USP25: variants seen among roughly 807,000 people sequenced by gnomAD.
USP25 encodes ubiquitin specific peptidase 25, also known as ubiquitin carboxyl-terminal hydrolase 25.
A neutral mutation model predicts 158.5 loss-of-function variants in USP25; 85 were observed. The ratio of observed to expected loss-of-function variants is 0.54; its 90% confidence interval spans 0.45 to 0.64. The LOEUF is 0.64. USP25 is among the 30% of genes least tolerant of loss of function. USP25 has a pLI of 0.00. For synonymous variants in USP25, 464 were observed against 460.4 expected (o/e 1.01, Z -0.10); for missense variants, 1,242 against 1,327.3 (o/e 0.94, Z 1.00).
intron 1 of USP25, among the ~76,000 whole-genome samples, chr21:15,761,016 C>T (rs2033690595): frequency 2.0e-5 from 3 of 152,140 alleles, no homozygotes; most frequent in African/African-American, 7.2e-5. Flanking sequence ...TCTTTAGTCT[C>T]CTTTAGGGTG....
At chr21:15,823,178 A>G (rs1260258630) in intron 10 of USP25, among the ~76,000 whole-genome samples, 5 of 152,110 alleles carry the variant, frequency 3.3e-5, no homozygotes, top group Admixed American at 2.0e-4. Context: ...GCAGTTTATA[A>G]TAAGCACTTC....
intron 9 of USP25, among the ~76,000 whole-genome samples, chr21:15,815,668 C>T (rs2036902382): frequency 6.6e-6 from 1 of 152,148 alleles, no homozygotes; most frequent in South Asian, 2.1e-4. Flanking sequence ...CTGTTTCTCC[C>T]ATGTGGAATG....
At chr21:15,834,128 A>C (rs1288181919) in intron 17 of USP25, among the ~76,000 whole-genome samples, 3 of 152,216 alleles carry the variant, frequency 2.0e-5, no homozygotes, top group Non-Finnish European at 2.9e-5. Context: ...TAAACCAAAG[A>C]TATAAATGCA....
Position 15,730,275 on chromosome 21 carries a change from T to C in USP25, c.-119T>C, listed in dbSNP as rs2030652434. On this transcript the variant is annotated 5_prime_UTR_variant, in exon 1 of 26. Transcript: ENST00000400183. ...CTTCGCGCCTGGCTGGCGGGGGCGC[T>C]GTCCTCCCAGGCCGTCCGCGCCGCT... is the stretch of plus-strand genomic sequence containing the variant. 3 of 967,634 alleles carry C rather than the reference T, an allele frequency of 3.1e-6. No homozygotes were observed. The highest frequency in any genetic ancestry group is 3.7e-6 in the Non-Finnish European group (3 of 812,596). 59.9% of individuals were successfully genotyped at this position (967,634 alleles called of 1,614,324 possible). A position where few individuals can be genotyped will look rare whatever the true frequency, so the allele number is the denominator to read the frequency against.
chr21:15,808,678 A>G (rs935040427), intron 7 of USP25, 131 bp from the exon 8 acceptor site: 21 of 596,508 alleles, frequency 3.5e-5, no homozygotes, highest in Admixed American at 7.2e-5. Flanking sequence ...CGTGTGAAAC[A>G]TTTCACTTGT....
chr21:15,737,410 T>G (rs2123183489), intron 1 of USP25, among the ~76,000 whole-genome samples: 1 of 152,272 alleles, frequency 6.6e-6, no homozygotes, highest in South Asian at 2.1e-4. Context: ...GTTAAATTGC[T>G]TATTTTAAAT....
rs1302065977 is a variant in USP25, at chr21:15,849,814, C to T, written c.2489C>T (p.Ala830Val). The T allele has an allele frequency of 7.8e-6, 12 of 1,543,376 alleles. No individual in the cohort carries two copies. Among genetic ancestry groups the T allele is most frequent in the Non-Finnish European group, 8.7e-6 (10 of 1,143,606 alleles). Reference sequence around the variant, plus strand: ...CCGAACATGCAAGGTATTATCATGGCGATAGGTAAATCCAGGAGTGTATAT... The same window carrying T: ...CCGAACATGCAAGGTATTATCATGGTGATAGGTAAATCCAGGAGTGTATAT... ...MTPNMQGIIM[A>V]IGKSRSVYDR... Residue 830 changes from alanine to valine, a missense_variant, in exon 20 of 26, where the codon GCG becomes GTG. Coordinates refer to ENST00000400183, the MANE Select transcript of USP25 (RefSeq NM_001283041.3).
rs549888032 is a variant in USP25 at position 15,766,692 on chromosome 21, T to C, written c.268+551T>C. On this transcript the variant is annotated intron_variant, in intron 3 of 25. Transcript: ENST00000400183. This position sits in a 1 kb window ranked among gnomAD's most constrained non-coding sequence, Gnocchi z 4.0. ...AAATACGTACATGTGGAAGATTCTA[T>C]GTGGGACTTAAGTTTTTCTTCATAA... is the stretch of plus-strand genomic sequence containing the variant. Among the ~76,000 whole-genome samples, 2 of 152,208 alleles carry C rather than the reference T, an allele frequency of 1.3e-5. No individual in the cohort carries two copies. The highest frequency in any genetic ancestry group is 1.9e-4 in the East Asian group (1 of 5,184).
chr21:15,869,021 G>A (rs1026716631), intron 22 of USP25, among the ~76,000 whole-genome samples: 6 of 152,136 alleles, frequency 3.9e-5, no homozygotes, highest in African/African-American at 1.4e-4. Flanking sequence ...AAGGCACAGG[G>A]AGTTGTTTGA....
intron 3 of USP25, among the ~76,000 whole-genome samples, chr21:15,774,931 A>G (rs1456577004): frequency 3.9e-5 from 6 of 152,318 alleles, no homozygotes; most frequent in Middle Eastern, 6.8e-3. Context: ...AAAGGCAAAT[A>G]ATATCTGAGT....
At chr21:15,779,325 A>G (rs1438704449) in intron 4 of USP25, among the ~76,000 whole-genome samples, 1 of 152,054 alleles carries the variant, frequency 6.6e-6, no homozygotes, top group African/African-American at 2.4e-5. Flanking sequence ...TAATTATGAA[A>G]CAACAATACT....
intron 4 of USP25, among the ~76,000 whole-genome samples, chr21:15,779,139 G>A (rs2034818758): frequency 6.6e-6 from 1 of 151,818 alleles, no homozygotes. Context: ...ATTATGTAAA[G>A]ACTTAATTAA....
At chr21:15,799,961 A>G (rs1389454533) in intron 6 of USP25, 118 bp downstream of exon 6, 15 of 502,188 alleles carry the variant, frequency 3.0e-5, no homozygotes, top group African/African-American at 1.0e-4. Context: ...TTGAATGTCA[A>G]TTCATTAATC....
chr21:15,839,585 C>CT (rs1203031499), intron 17 of USP25, among the ~76,000 whole-genome samples: 1 of 152,118 alleles, frequency 6.6e-6, no homozygotes, highest in Non-Finnish European at 1.5e-5. Context: ...GTGCTTATCT[C>CT]TGAGTAATGC....
intron 6 of USP25, among the ~76,000 whole-genome samples, chr21:15,802,485 CAGAA>C (rs973276317): frequency 8.6e-5 from 13 of 151,372 alleles, no homozygotes; most frequent in African/African-American, 3.1e-4. Flanking sequence ...AAATCAACAA[CAGAA>C]AGATATACAG....
intron 3 of USP25, among the ~76,000 whole-genome samples, chr21:15,772,450 C>T (rs528759931): frequency 1.2e-3 from 178 of 152,238 alleles, no homozygotes; most frequent in Non-Finnish European, 2.3e-3. Flanking sequence ...ATTGTATTCA[C>T]GCTAATACTA....
intron 14 of USP25, 59 bp downstream of exon 14, chr21:15,827,262 T>C (rs2037557128): frequency 1.5e-6 from 2 of 1,332,964 alleles, no homozygotes; most frequent in Non-Finnish European, 2.1e-6. Flanking sequence ...GTAATGTTAA[T>C]ATTGAGAAGG....
At chr21:15,769,757 T>C (rs1011519834) in intron 3 of USP25, among the ~76,000 whole-genome samples, 2 of 152,120 alleles carry the variant, frequency 1.3e-5, no homozygotes. Flanking sequence ...ACCATTAAAT[T>C]CTTTCGAACA....
intron 20 of USP25, among the ~76,000 whole-genome samples, chr21:15,862,203 A>G (rs1316520198): frequency 1.3e-5 from 2 of 152,112 alleles, no homozygotes; most frequent in Admixed American, 1.3e-4. Context: ...TGAATATTCT[A>G]AAAGTCTATT....
Sources: gnomAD v4.1 joint callset for allele counts (sites outside exome capture counted in the v4.1 genomes callset) on GRCh38, gnomAD v4.1.1 for gene constraint, Gnocchi (gnomAD v3.1) non-coding constraint, MANE v1.5 for transcripts, NCBI Gene and HGNC (gene_info 2026-07-23, HGNC 2026-07-21) for gene names.